Variants in BTRC observed in about 807,000 individuals in gnomAD.
BTRC encodes F-box/WD repeat-containing protein 1A.
Under a neutral mutation model 85.5 loss-of-function variants are expected in BTRC, and 42 were observed. The ratio of observed to expected loss-of-function variants is 0.49; its 90% CI spans 0.38 to 0.64. BTRC has a LOEUF of 0.64. BTRC is among the 30% of genes least tolerant of loss of function. The pLI, the probability that BTRC is intolerant of heterozygous loss-of-function variation, is 0.00. For synonymous variants in BTRC, 255 were observed against 263.3 expected (o/e 0.97, Z 0.30); for missense variants, 594 against 743.5 (o/e 0.80, Z 2.34).
At chr10:101,530,523 T>C (rs912426969) in intron 6 of BTRC, among the ~76,000 whole-genome samples, 1 of 151,354 alleles carries the variant, frequency 6.6e-6, no homozygotes, top group Non-Finnish European at 1.5e-5. Flanking sequence ...ATAGGGCATG[T>C]GCTAGTTCAA....
intron 13 of BTRC, among the ~76,000 whole-genome samples, chr10:101,545,913 A>G (rs530023326): frequency 1.3e-5 from 2 of 152,332 alleles, no homozygotes; most frequent in Non-Finnish European, 2.9e-5. Flanking sequence ...CCAGTTCTCC[A>G]AGAAGACCTA....
intron 1 of BTRC, among the ~76,000 whole-genome samples, chr10:101,391,158 G>A (rs183847767): frequency 7.9e-4 from 120 of 152,210 alleles, no homozygotes; most frequent in African/African-American, 2.7e-3. Flanking sequence ...GGTAACTACC[G>A]CTCCTGCTGT....
At chr10:101,490,607 C>G (rs774713093) in intron 4 of BTRC, among the ~76,000 whole-genome samples, 3 of 152,148 alleles carry the variant, frequency 2.0e-5, no homozygotes, top group Non-Finnish European at 2.9e-5. Context: ...GGATACTTCC[C>G]CCATCGCATT....
chr10:101,417,273 A>G (rs577886771), intron 1 of BTRC, among the ~76,000 whole-genome samples: 1 of 152,370 alleles, frequency 6.6e-6, no homozygotes, highest in East Asian at 1.9e-4. Context: ...TTTAGTAGTC[A>G]TACCTCTTTA....
intron 4 of BTRC, among the ~76,000 whole-genome samples, 186 bp from the exon 5 acceptor site, chr10:101,521,453 C>T (rs979502076): frequency 9.2e-5 from 14 of 152,164 alleles, no homozygotes; most frequent in African/African-American, 3.4e-4. Context: ...GCTTAGTCTT[C>T]TAGTATTATA....
chr10:101,434,335 T>C (rs998325401), intron 2 of BTRC, among the ~76,000 whole-genome samples: 3 of 152,248 alleles, frequency 2.0e-5, no homozygotes, highest in East Asian at 1.9e-4. Flanking sequence ...TTAAAATCCA[T>C]TGGTCTCAGT....
At chr10:101,430,489 T>C (rs1335330046) in intron 2 of BTRC, 37 bp downstream of exon 2, 1 of 1,539,980 alleles carries the variant, frequency 6.5e-7, no homozygotes, top group East Asian at 2.2e-5. Flanking sequence ...TTGCGGGCAT[T>C]AGTGTATGTG....
chr10:101,478,216 A>G (rs1945741373), intron 3 of BTRC, among the ~76,000 whole-genome samples: 1 of 151,570 alleles, frequency 6.6e-6, no homozygotes, highest in South Asian at 2.1e-4. Context: ...TGGGAGAATC[A>G]CTTGAACCTG....
At chr10:101,363,735 A>T (rs979623913) in intron 1 of BTRC, among the ~76,000 whole-genome samples, 1 of 152,152 alleles carries the variant, frequency 6.6e-6, no homozygotes, top group Non-Finnish European at 1.5e-5. Context: ...AGAAAGCTTC[A>T]TATTAGATCT....
intron 6 of BTRC, among the ~76,000 whole-genome samples, chr10:101,527,364 T>G (rs2062207532): frequency 6.6e-6 from 1 of 152,190 alleles, no homozygotes; most frequent in Admixed American, 6.5e-5. Context: ...GCCTCAGATT[T>G]TTATCATTCT....
Position 101,490,251 on chromosome 10 carries a change from C to T in BTRC, c.324+10794C>T, listed in dbSNP as rs746499840. Among the ~76,000 whole-genome samples, 8 of 151,866 alleles carry T rather than the reference C, an allele frequency of 5.3e-5. No individual in the cohort carries two copies. The East Asian group carries it at 7.7e-4, about 15-fold the overall frequency. ...TCCTTCCCTCCCTCACTCCCTGCCT[C>T]CCTCCCTTCCTTCCTTTCTTCTTCC... On this transcript the variant is annotated intron_variant, in intron 4 of 14. Coordinates refer to ENST00000370187, the MANE Select transcript of BTRC (RefSeq NM_033637.4).
intron 1 of BTRC, among the ~76,000 whole-genome samples, chr10:101,363,870 G>A (rs554933624): frequency 2.9e-4 from 44 of 152,300 alleles, no homozygotes; most frequent in African/African-American, 8.7e-4. Context: ...CCGATGAAGT[G>A]CAGTAAGACT....
chr10:101,547,328 CTTTTTTTTT>C (rs71016332), intron 13 of BTRC, among the ~76,000 whole-genome samples: 7 of 79,636 alleles, frequency 8.8e-5, no homozygotes, highest in South Asian at 5.5e-4. Context: ...TATGGTTTTT[CTTTTTTTTT>C]TTTTTTTTTT....
At chr10:101,488,624 A>C (rs931146774) in intron 4 of BTRC, among the ~76,000 whole-genome samples, 3 of 152,210 alleles carry the variant, frequency 2.0e-5, no homozygotes, top group Admixed American at 1.3e-4. Context: ...ATATGAAGCC[A>C]TCATGATTTG....
intron 1 of BTRC, among the ~76,000 whole-genome samples, chr10:101,393,952 T>G (rs1030913516): frequency 2.6e-5 from 4 of 152,242 alleles, no homozygotes; most frequent in Admixed American, 2.6e-4. Context: ...GCCAGTGTAA[T>G]GCAGACTTCG....
chr10:101,487,186 A>G (rs879751417), intron 4 of BTRC, among the ~76,000 whole-genome samples: 41 of 152,306 alleles, frequency 2.7e-4, no homozygotes, highest in South Asian at 2.5e-3. Flanking sequence ...TTCTTGTTAT[A>G]TAAGGTATAG....
At chr10:101,390,494 C>T (rs1251188220) in intron 1 of BTRC, among the ~76,000 whole-genome samples, 1 of 127,948 alleles carries the variant, frequency 7.8e-6, no homozygotes, top group East Asian at 2.0e-4. Flanking sequence ...CCCGCCACCA[C>T]GCCTAATTTT....
intron 1 of BTRC, among the ~76,000 whole-genome samples, chr10:101,379,131 A>G (rs1942866009): frequency 2.6e-5 from 4 of 152,234 alleles, no homozygotes; most frequent in Admixed American, 2.6e-4. Context: ...GCCTGTAATC[A>G]TATCCAGACA....
At chr10:101,368,911 C>T (rs1022342074) in intron 1 of BTRC, among the ~76,000 whole-genome samples, 1 of 152,036 alleles carries the variant, frequency 6.6e-6, no homozygotes, top group Non-Finnish European at 1.5e-5. Flanking sequence ...CCCAGCTACT[C>T]AGGAGGCTGA....
Sources: allele counts gnomAD v4.1 joint callset (sites outside exome capture counted in the v4.1 genomes callset), GRCh38; gene constraint gnomAD v4.1.1; transcripts MANE v1.5; gene names NCBI Gene and HGNC (gene_info 2026-07-23, HGNC 2026-07-21).